The following TNKS variants were observed in gnomAD, a reference collection of about 807,000 sequenced individuals.
The protein encoded by TNKS is tankyrase.
In TNKS, 72 loss-of-function variants were observed where a neutral mutation model predicts 135.8. The observed-to-expected ratio is 0.53, with a 90% CI of 0.44 to 0.64. The LOEUF (loss-of-function observed/expected upper bound fraction) is 0.64. Among genes scored for constraint, TNKS ranks in the 30% least tolerant of loss-of-function variants. TNKS has a pLI of 0.00. For synonymous variants in TNKS, 849 were observed against 649.3 expected, an observed-to-expected ratio of 1.31 and a Z score of -4.68; for missense variants, 1,769 against 1,674.0, an observed-to-expected ratio of 1.06 and a Z score of -0.99.
At chr8:9,743,942 G>A (rs955122017) in intron 17 of TNKS, among the ~76,000 whole-genome samples, 4 of 152,090 alleles carry the variant, frequency 2.6e-5, no homozygotes, top group African/African-American at 9.7e-5. Flanking sequence ...ATAATCTGAG[G>A]TAGCTGTGAA....
chr8:9,765,533 G>A (rs963090567), intron 23 of TNKS, among the ~76,000 whole-genome samples, 159 bp from the exon 24 acceptor site: 1 of 152,058 alleles, frequency 6.6e-6, no homozygotes, highest in Non-Finnish European at 1.5e-5. Flanking sequence ...AACAGCTAGA[G>A]TATTTTCTGA....
At chr8:9,623,653 T>C (rs913659610) in intron 3 of TNKS, among the ~76,000 whole-genome samples, 3 of 152,168 alleles carry the variant, frequency 2.0e-5, no homozygotes, top group Non-Finnish European at 4.4e-5. Context: ...AAAATGTATA[T>C]CTGCAAAGTG....
chr8:9,716,546 G>A (rs548905231), intron 11 of TNKS, among the ~76,000 whole-genome samples: 4 of 152,060 alleles, frequency 2.6e-5, no homozygotes, highest in East Asian at 3.9e-4. Context: ...TGAGAAACCC[G>A]TATGGTTATC....
intron 2 of TNKS, among the ~76,000 whole-genome samples, chr8:9,608,654 C>T (rs1006098201): frequency 1.8e-4 from 28 of 152,186 alleles, no homozygotes; most frequent in African/African-American, 6.8e-4. Context: ...GGGGCCTGCT[C>T]TCTGCACAGA....
At chr8:9,721,674 T>G (rs1804887263) in intron 12 of TNKS, among the ~76,000 whole-genome samples, 1 of 152,156 alleles carries the variant, frequency 6.6e-6, no homozygotes, top group Non-Finnish European at 1.5e-5. Flanking sequence ...GAATGTCTTA[T>G]GACATATCCT....
At chr8:9,687,788 T>C (rs1399940791) in intron 5 of TNKS, among the ~76,000 whole-genome samples, 1 of 152,142 alleles carries the variant, frequency 6.6e-6, no homozygotes, top group Non-Finnish European at 1.5e-5. Flanking sequence ...CGGAAGGGAG[T>C]TGGTACTAAA....
chr8:9,614,176 A>C (rs1050359857), intron 2 of TNKS, among the ~76,000 whole-genome samples: 1 of 152,252 alleles, frequency 6.6e-6, no homozygotes, highest in Non-Finnish European at 1.5e-5. Context: ...TGTTGTTACA[A>C]TAGCTGTACC....
At chr8:9,667,656 G>A (rs900562966) in intron 3 of TNKS, among the ~76,000 whole-genome samples, 1 of 152,192 alleles carries the variant, frequency 6.6e-6, no homozygotes, top group Non-Finnish European at 1.5e-5. Context: ...TCAGAAAGAT[G>A]TAGTGAGTGC....
At chr8:9,609,828 G>C (rs1348742632) in intron 2 of TNKS, among the ~76,000 whole-genome samples, 1 of 151,924 alleles carries the variant, frequency 6.6e-6, no homozygotes, top group African/African-American at 2.4e-5. Context: ...TCCTATATAG[G>C]GATAGCACTG....
chr8:9,611,668 C>T (rs1799469250), intron 2 of TNKS, among the ~76,000 whole-genome samples: 1 of 152,130 alleles, frequency 6.6e-6, no homozygotes. Context: ...ACTATTGTTA[C>T]CTTTGCCTCA....
intron 3 of TNKS, among the ~76,000 whole-genome samples, chr8:9,619,451 C>T (rs1358417588): frequency 1.3e-5 from 2 of 152,096 alleles, no homozygotes; most frequent in Admixed American, 6.5e-5. Flanking sequence ...GAATGTTTGT[C>T]GTTGTCAGGA....
rs553873517 is a variant in TNKS at position 9,618,089 on chromosome 8, C to T, written c.994+2412C>T. ...GCAACCTCCGTCTCCCGGGTTCAAGCGATTCTTCTGCCTCAGCCTCCCGAG... is the reference window on the plus strand; with the variant it reads ...GCAACCTCCGTCTCCCGGGTTCAAGTGATTCTTCTGCCTCAGCCTCCCGAG... On this transcript the variant is annotated intron_variant, in intron 3 of 26. Coordinates refer to ENST00000310430, the MANE Select transcript of TNKS (RefSeq NM_003747.3). 6.1e-4 allele frequency among the ~76,000 whole-genome samples: 92 copies of T among 149,942 alleles called. No individual in the cohort carries two copies. The East Asian group carries it at 7.5e-3, about 12-fold the overall frequency.
chr8:9,708,716 C>G (rs1009403833), intron 9 of TNKS, among the ~76,000 whole-genome samples: 1 of 151,906 alleles, frequency 6.6e-6, no homozygotes, highest in African/African-American at 2.4e-5. Context: ...ATTATTTTAC[C>G]TTTGTCTTCC....
chr8:9,583,837 A>C (rs769358914), intron 2 of TNKS, among the ~76,000 whole-genome samples: 2 of 151,930 alleles, frequency 1.3e-5, no homozygotes, highest in Non-Finnish European at 2.9e-5. Context: ...TTTAAAAGCA[A>C]ATTATAAGCA....
intron 8 of TNKS, among the ~76,000 whole-genome samples, chr8:9,707,809 C>T (rs545246566): frequency 1.4e-4 from 21 of 152,198 alleles, no homozygotes; most frequent in African/African-American, 3.6e-4. Flanking sequence ...TTAGTCCTTT[C>T]CTTTTCTGTG....
intron 1 of TNKS, among the ~76,000 whole-genome samples, chr8:9,568,467 CTT>C (rs1220693524): frequency 7.2e-5 from 11 of 151,962 alleles, no homozygotes; most frequent in African/African-American, 2.7e-4. Flanking sequence ...TCTATGGAGA[CTT>C]ACCGTATGAA....
intron 1 of TNKS, among the ~76,000 whole-genome samples, chr8:9,577,665 T>C (rs1178826415): frequency 6.6e-6 from 1 of 152,166 alleles, no homozygotes; most frequent in African/African-American, 2.4e-5. Context: ...ACCAGGCCCC[T>C]CTTCTAACAC....
intron 20 of TNKS, among the ~76,000 whole-genome samples, chr8:9,756,954 T>C (rs1268670011): frequency 6.6e-6 from 1 of 151,846 alleles, no homozygotes; most frequent in Non-Finnish European, 1.5e-5. Flanking sequence ...TTTGGTATAC[T>C]TTTTTTGTTT....
intron 14 of TNKS, 128 bp from the exon 15 acceptor site, chr8:9,733,151 G>T (rs1805526167): frequency 1.5e-6 from 1 of 648,346 alleles, no homozygotes; most frequent in Non-Finnish European, 2.4e-6. Context: ...AACAGAGGTG[G>T]GTGTATTTCT....
Sources: gnomAD v4.1 joint callset for allele counts (sites outside exome capture counted in the v4.1 genomes callset) on GRCh38, gnomAD v4.1.1 for gene constraint, MANE v1.5 for transcripts, NCBI Gene and HGNC (gene_info 2026-07-23, HGNC 2026-07-21) for gene names.